CCDC12: variants seen among roughly 807,000 people sequenced by gnomAD.
CCDC12 encodes coiled-coil domain containing 12.
Under a neutral mutation model 25.7 loss-of-function variants are expected in CCDC12, and 28 were observed. That is an observed-to-expected ratio of 1.09 (90% CI 0.81 to 1.50). The LOEUF (loss-of-function observed/expected upper bound fraction) is 1.50, where lower values mean the gene tolerates loss of function less well. Among genes scored for constraint, CCDC12 ranks in the 40% most tolerant of loss-of-function variants. CCDC12 has a pLI of 0.00. For missense variants in CCDC12, 198 were observed against 210.0 expected, an observed-to-expected ratio of 0.94 and a Z score of 0.35; for synonymous variants, 75 against 87.7, an observed-to-expected ratio of 0.86 and a Z score of 0.81.
intron 2 of CCDC12, 67 bp downstream of exon 2, chr3:46,940,931 C>A: frequency 6.7e-7 from 1 of 1,500,398 alleles, no homozygotes; most frequent in Non-Finnish European, 9.3e-7. Context: ...TTGGGAGGAC[C>A]CAGAGACTGG....
intron 1 of CCDC12, among the ~76,000 whole-genome samples, chr3:46,959,644 G>A (rs778548485): frequency 2.6e-5 from 4 of 152,120 alleles, no homozygotes; most frequent in Non-Finnish European, 4.4e-5. Flanking sequence ...GAGAAGAGCA[G>A]ACCCTACACG....
intron 1 of CCDC12, among the ~76,000 whole-genome samples, chr3:46,958,639 T>C (rs1416108107): frequency 6.6e-6 from 1 of 152,208 alleles, no homozygotes; most frequent in East Asian, 1.9e-4. Context: ...ATTCCATTGT[T>C]CATCCAATCC....
At chr3:46,935,554 T>C (rs1463433009) in intron 2 of CCDC12, among the ~76,000 whole-genome samples, 1 of 151,132 alleles carries the variant, frequency 6.6e-6, no homozygotes, top group Admixed American at 6.6e-5. Flanking sequence ...TGAACGCCCC[T>C]GAATGCCCTC....
At position 46,921,830 on chromosome 3, in the gene CCDC12, A is replaced by T; in HGVS notation, c.*227T>A. 3.4e-6 allele frequency: 2 copies of T among 594,298 alleles called. No individual in the cohort carries two copies. The highest frequency in any genetic ancestry group is 6.0e-6 in the Non-Finnish European group (2 of 332,906). The allele number at this position is 594,298 out of a possible 1,614,324, so 36.8% of individuals were successfully genotyped here. The stretch of plus-strand genomic sequence containing the variant: ...GACATATGTACATCCACATGTGCAG[A>T]CACAGGCACGCCCAGAGTTGTTGCT... On this transcript the variant is annotated 3_prime_UTR_variant, in exon 7 of 7. Coordinates refer to ENST00000683445, the MANE Select transcript of CCDC12 (RefSeq NM_001277074.2).
chr3:46,927,865 C>G (rs2033034314), intron 2 of CCDC12, among the ~76,000 whole-genome samples: 1 of 152,170 alleles, frequency 6.6e-6, no homozygotes, highest in Non-Finnish European at 1.5e-5. Flanking sequence ...TAAGAGACTT[C>G]CCCTCCCTAA....
chr3:46,937,088 G>C (rs1575543802), intron 2 of CCDC12, among the ~76,000 whole-genome samples: 8 of 152,204 alleles, frequency 5.3e-5, no homozygotes, highest in Admixed American at 5.2e-4. Flanking sequence ...TGGGCCCTTG[G>C]TCTCAGATGC....
At chr3:46,972,321 TA>T (rs1476223299) in intron 1 of CCDC12, among the ~76,000 whole-genome samples, 1 of 151,824 alleles carries the variant, frequency 6.6e-6, no homozygotes, top group Admixed American at 6.6e-5. Context: ...AATTAATTTT[TA>T]AAAAAATGAC....
At chr3:46,979,792 G>A (rs2035174293), upstream of CCDC12, 1 of 383,566 alleles carries the variant, frequency 2.6e-6, no homozygotes, top group East Asian at 4.0e-5. Flanking sequence ...CCTGGCCGAG[G>A]GCAACCGGCG....
At chr3:46,946,274 G>A (rs1191860507) in intron 1 of CCDC12, among the ~76,000 whole-genome samples, 2 of 152,228 alleles carry the variant, frequency 1.3e-5, no homozygotes, top group African/African-American at 2.4e-5. Flanking sequence ...AGAATCTCAA[G>A]TCTACTCAAA....
intron 1 of CCDC12, chr3:46,976,372 C>A (rs1387914362): frequency 1.3e-5 from 18 of 1,378,498 alleles, no homozygotes; most frequent in Admixed American, 9.4e-5. Context: ...ACCCGGGAAG[C>A]AGGAGTCAGA....
intron 1 of CCDC12, among the ~76,000 whole-genome samples, chr3:46,947,712 G>A (rs1260093137): frequency 6.6e-6 from 1 of 152,138 alleles, no homozygotes; most frequent in Non-Finnish European, 1.5e-5. Flanking sequence ...GTTCCTAGAG[G>A]GCAGACGTTT....
chr3:46,940,876 G>T, intron 2 of CCDC12, 122 bp downstream of exon 2: 2 of 945,238 alleles, frequency 2.1e-6, no homozygotes, highest in African/African-American at 1.6e-5. Flanking sequence ...GGACAGCCAT[G>T]GGCAGAAAGA....
At chr3:46,942,883 T>C (rs964049207) in intron 1 of CCDC12, among the ~76,000 whole-genome samples, 1 of 151,388 alleles carries the variant, frequency 6.6e-6, no homozygotes, top group Non-Finnish European at 1.5e-5. Flanking sequence ...GGGAGAGAAG[T>C]GGGAAGGGCA....
At chr3:46,969,037 G>T (rs891817756) in intron 1 of CCDC12, among the ~76,000 whole-genome samples, 1 of 152,222 alleles carries the variant, frequency 6.6e-6, no homozygotes, top group African/African-American at 2.4e-5. Context: ...CAACCAGGCT[G>T]CTGGGCCTGG....
At chr3:46,931,608 C>T (rs1208402752) in intron 2 of CCDC12, among the ~76,000 whole-genome samples, 3 of 150,648 alleles carry the variant, frequency 2.0e-5, no homozygotes, top group Non-Finnish European at 4.4e-5. Context: ...TGCCCTGGGC[C>T]CCTGGAGGGA....
At chr3:46,942,302 G>A (rs915426388) in intron 1 of CCDC12, among the ~76,000 whole-genome samples, 6 of 152,250 alleles carry the variant, frequency 3.9e-5, no homozygotes, top group Admixed American at 6.5e-5. Flanking sequence ...CAGAGCTGTC[G>A]TGGGTCTCCC....
At chr3:46,942,320 C>T (rs909965428) in intron 1 of CCDC12, among the ~76,000 whole-genome samples, 1 of 152,232 alleles carries the variant, frequency 6.6e-6, no homozygotes, top group African/African-American at 2.4e-5. Context: ...CCCTGCATGC[C>T]AGGGTTGGCA....
intron 2 of CCDC12, chr3:46,940,767 C>G: frequency 1.8e-6 from 1 of 566,516 alleles, no homozygotes; most frequent in Non-Finnish European, 3.2e-6. Flanking sequence ...AAAGAAAATG[C>G]TGGGGGCTGA....
intron 2 of CCDC12, among the ~76,000 whole-genome samples, chr3:46,926,697 C>T (rs1290807620): frequency 6.6e-6 from 1 of 152,176 alleles, no homozygotes; most frequent in African/African-American, 2.4e-5. Flanking sequence ...GTGGGACAGA[C>T]CCCTAGCCCC....
Sources: gnomAD v4.1 joint callset for allele counts (sites outside exome capture counted in the v4.1 genomes callset) on GRCh38, gnomAD v4.1.1 for gene constraint, MANE v1.5 for transcripts, NCBI Gene and HGNC (gene_info 2026-07-23, HGNC 2026-07-21) for gene names.